PCLO: variants seen among roughly 807,000 people sequenced by gnomAD.
PCLO encodes piccolo presynaptic cytomatrix protein, also known as protein piccolo.
Under a neutral mutation model 427.5 loss-of-function variants are expected in PCLO, and 82 were observed. The ratio of observed to expected loss-of-function variants is 0.19; its 90% CI spans 0.16 to 0.23. The LOEUF (loss-of-function observed/expected upper bound fraction) is 0.23. Among genes scored for constraint, PCLO ranks in the 10% least tolerant of loss-of-function variants. The pLI is 1.00. For missense variants in PCLO, 6,239 were observed against 6,115.9 expected (o/e 1.02, Z -0.67); for synonymous variants, 2,357 against 2,155.4 (o/e 1.09, Z -2.59).
Position 83,063,170 on chromosome 7 carries a change from A to T in PCLO, c.3300+71080T>A, listed in dbSNP as rs570071471. 9.2e-5 allele frequency among the ~76,000 whole-genome samples: 14 copies of T among 152,206 alleles called. No homozygotes were observed. In the South Asian group the frequency reaches 2.9e-3, roughly 31 times the overall value. On this transcript the variant is annotated intron_variant, in intron 3 of 24. Coordinates refer to ENST00000333891, the MANE Select transcript of PCLO (RefSeq NM_033026.6). The stretch of plus-strand genomic sequence containing the variant: ...TTCTTGGTATAAATTCCTTGGAAGA[A>T]ATTGAATAAAATAAATACTAAGTTA...
chr7:82,854,707 A>C (rs958063087), intron 10 of PCLO, among the ~76,000 whole-genome samples: 6 of 152,108 alleles, frequency 3.9e-5, no homozygotes, highest in African/African-American at 4.8e-5. Context: ...CTTTAGATAA[A>C]TGTTATACAG....
At chr7:83,058,996 A>G (rs1244621841) in intron 3 of PCLO, among the ~76,000 whole-genome samples, 2 of 152,074 alleles carry the variant, frequency 1.3e-5, no homozygotes, top group Non-Finnish European at 2.9e-5. Flanking sequence ...AAATGATCTC[A>G]GATTAGAAGG....
intron 3 of PCLO, among the ~76,000 whole-genome samples, chr7:83,011,083 T>C (rs1788066188): frequency 6.6e-6 from 1 of 152,044 alleles, no homozygotes; most frequent in Non-Finnish European, 1.5e-5. Flanking sequence ...TAATCTTTGT[T>C]AATATCTTAG....
At chr7:83,018,512 TA>T in intron 3 of PCLO, among the ~76,000 whole-genome samples, 1 of 151,988 alleles carries the variant, frequency 6.6e-6, no homozygotes, top group Non-Finnish European at 1.5e-5. Flanking sequence ...TCTGTTGAAA[TA>T]ATTGTGTATT....
In PCLO at chr7:83,021,726, G is replaced by A. The variant is rs144060773; in HGVS notation, c.3301-55239C>T. ...ACAATATTGTGATTAAGAGTAAAGC[G>A]TCTAATTCTGGGGAAGGTTCCTTCT... On this transcript the variant is annotated intron_variant, in intron 3 of 24. Coordinates refer to ENST00000333891, the MANE Select transcript of PCLO (RefSeq NM_033026.6). Among the ~76,000 whole-genome samples, 193 of 152,254 alleles carry A rather than the reference G, an allele frequency of 1.3e-3. 1 individual carries two copies. In the South Asian group the frequency reaches 0.013, roughly 10 times the overall value.
At chr7:82,863,281 C>G (rs1001905851) in intron 10 of PCLO, among the ~76,000 whole-genome samples, 1 of 151,778 alleles carries the variant, frequency 6.6e-6, no homozygotes, top group Non-Finnish European at 1.5e-5. Flanking sequence ...TTAGAAGTGT[C>G]AAAAGATGTA....
At chr7:82,992,609 G>A (rs1355277887) in intron 3 of PCLO, among the ~76,000 whole-genome samples, 1 of 151,956 alleles carries the variant, frequency 6.6e-6, no homozygotes, top group Non-Finnish European at 1.5e-5. Context: ...TGGGATAAAG[G>A]GAAGGAGAGC....
intron 3 of PCLO, among the ~76,000 whole-genome samples, chr7:82,978,136 GT>G (rs1796062085): frequency 6.6e-6 from 1 of 151,232 alleles, no homozygotes; most frequent in East Asian, 1.9e-4. Flanking sequence ...TGACTCACCT[GT>G]CATTTTTTTT....
At chr7:82,815,971 T>C (rs1791670279) in intron 20 of PCLO, among the ~76,000 whole-genome samples, 1 of 152,154 alleles carries the variant, frequency 6.6e-6, no homozygotes, top group South Asian at 2.1e-4. Flanking sequence ...CAAAATTTTA[T>C]ATTTCGGATA....
rs1465555505 is a variant in PCLO, at chr7:82,953,842, T to C, written c.7111A>G (p.Lys2371Glu). The C allele has an allele frequency of 1.9e-6, 3 of 1,613,194 alleles. No individual in the cohort carries two copies. Among genetic ancestry groups the C allele is most frequent in the South Asian group, 1.1e-5 (1 of 91,052 alleles). The part of the protein sequence containing the change: ...FTSGETFGQE[K>E]PASQLPSGSP... ...CCAGATGGTAACTGAGATGCAGGTT[T>C]TTCCTGACCAAAGGTCTCTCCAGAT... The change falls in exon 5 of 25, where the codon AAA (lysine) becomes GAA (glutamate). Residue 2371 changes from lysine to glutamate, a missense_variant. Around this residue, in one of 5 missense-constraint regions of PCLO, gnomAD observed 4,677 missense variants for 4,468.4 expected, o/e 1.05. Transcript: ENST00000333891.
chr7:83,160,482 G>C (rs1792407034), intron 1 of PCLO, among the ~76,000 whole-genome samples: 1 of 152,032 alleles, frequency 6.6e-6, no homozygotes, highest in African/African-American at 2.4e-5. Flanking sequence ...CTTTTAAAAA[G>C]TTATGTACCT....
At chr7:83,104,772 T>G (rs1347741234) in intron 3 of PCLO, among the ~76,000 whole-genome samples, 3 of 152,072 alleles carry the variant, frequency 2.0e-5, no homozygotes, top group Non-Finnish European at 4.4e-5. Flanking sequence ...TCTATTGACT[T>G]GAGATCAAAG....
At chr7:83,016,664 A>G (rs756496515) in intron 3 of PCLO, among the ~76,000 whole-genome samples, 7 of 152,136 alleles carry the variant, frequency 4.6e-5, no homozygotes, top group Admixed American at 6.6e-5. Flanking sequence ...CCCTTAAGGA[A>G]GAGAGACATC....
chr7:82,950,952 C>T lies in PCLO; in HGVS notation c.9636G>A (p.Gln3212=). 1.2e-6 allele frequency: 2 copies of T among 1,613,518 alleles called. No individual in the cohort carries two copies. Among genetic ancestry groups the T allele is most frequent in the African/African-American group, 1.3e-5 (1 of 75,046 alleles). The stretch of plus-strand genomic sequence containing the variant: ...GGAGCTCACGCTCCAAGTCTAGCTG[C>T]TGCTGTTGTTTATCTTCTTCAGGGA... ...LIVPEEDKQQ[Q]QLDLERELLE... Residue 3212 remains glutamine, a synonymous_variant, in exon 6 of 25, where the codon CAG becomes CAA. Transcript: ENST00000333891.
chr7:82,778,023 T>A (rs1790790265), intron 22 of PCLO, among the ~76,000 whole-genome samples: 1 of 151,914 alleles, frequency 6.6e-6, no homozygotes, highest in African/African-American at 2.4e-5. Flanking sequence ...CTGACAAATA[T>A]CTAAATCTAA....
At chr7:82,842,936 C>A (rs1479694332) in intron 13 of PCLO, among the ~76,000 whole-genome samples, 3 of 151,864 alleles carry the variant, frequency 2.0e-5, no homozygotes, top group Non-Finnish European at 2.9e-5. Context: ...GAAAGGGAAC[C>A]CTTGTACACT....
intron 2 of PCLO, 77 bp downstream of exon 2, chr7:83,154,671 T>G: frequency 9.7e-7 from 1 of 1,026,152 alleles, no homozygotes; most frequent in Non-Finnish European, 1.5e-6. Flanking sequence ...ATGTCATATA[T>G]GTGTTTAGTT....
At chr7:83,103,660 C>G (rs17157171) in intron 3 of PCLO, among the ~76,000 whole-genome samples, 69,816 of 151,656 alleles carry the variant, frequency 0.46, 16,467 homozygotes, top group East Asian at 0.71. Flanking sequence ...TTGTGTTCTG[C>G]TTACCAAATT....
At chr7:83,030,639 A>T (rs1788644285) in intron 3 of PCLO, among the ~76,000 whole-genome samples, 1 of 152,226 alleles carries the variant, frequency 6.6e-6, no homozygotes, top group Non-Finnish European at 1.5e-5. Context: ...CAAGGAAAAG[A>T]TGAGAAGCCA....
Sources: allele counts gnomAD v4.1 joint callset (sites outside exome capture counted in the v4.1 genomes callset), GRCh38; gene constraint gnomAD v4.1.1; regional missense constraint gnomAD v4.1.1; transcripts MANE v1.5; gene names NCBI Gene and HGNC (gene_info 2026-07-23, HGNC 2026-07-21).